TBC1D1: variants seen among roughly 807,000 people sequenced by gnomAD.
TBC1D1 encodes the protein TBC1 domain family member 1.
Under a neutral mutation model 125.6 loss-of-function variants are expected in TBC1D1, and 89 were observed. The ratio of observed to expected loss-of-function variants is 0.71; its 90% confidence interval spans 0.60 to 0.85. The LOEUF (loss-of-function observed/expected upper bound fraction) is 0.85. Ranked by LOEUF, TBC1D1 falls within the 40% of genes least tolerant of loss-of-function variation. The pLI is 0.00. For synonymous variants in TBC1D1, 565 were observed against 564.1 expected (o/e 1.00, Z -0.02); for missense variants, 1,377 against 1,469.2 (o/e 0.94, Z 1.03).
At chr4:38,017,544 C>T (rs545368615) in intron 3 of TBC1D1, among the ~76,000 whole-genome samples, 20 of 152,310 alleles carry the variant, frequency 1.3e-4, no homozygotes, top group African/African-American at 3.4e-4. Flanking sequence ...TATAATTCCC[C>T]TTGACTTACA....
intron 12 of TBC1D1, among the ~76,000 whole-genome samples, chr4:38,058,448 C>T (rs111757377): frequency 2.0e-5 from 3 of 152,360 alleles, no homozygotes; most frequent in African/African-American, 7.2e-5. Flanking sequence ...TCCTGATTTG[C>T]CTGGGCGGCT....
At chr4:38,089,275 A>G (rs1313464007) in intron 12 of TBC1D1, among the ~76,000 whole-genome samples, 1 of 152,208 alleles carries the variant, frequency 6.6e-6, no homozygotes, top group Non-Finnish European at 1.5e-5. Flanking sequence ...GAGTCTACCT[A>G]TATAAAATGC....
intron 2 of TBC1D1, among the ~76,000 whole-genome samples, chr4:37,953,881 T>C (rs13107094): frequency 0.62 from 94,538 of 152,008 alleles, 30,242 homozygotes; most frequent in East Asian, 0.96. Flanking sequence ...ATTTCTCATT[T>C]TGACATCCTT....
chr4:38,006,572 G>A (rs529763004), intron 2 of TBC1D1, among the ~76,000 whole-genome samples: 1 of 144,488 alleles, frequency 6.9e-6, no homozygotes, highest in Non-Finnish European at 1.5e-5. Flanking sequence ...TCTGCCTTCC[G>A]GGTTCAAGCG....
intron 2 of TBC1D1, among the ~76,000 whole-genome samples, chr4:37,973,149 A>C (rs1218591090): frequency 6.6e-6 from 1 of 152,154 alleles, no homozygotes; most frequent in African/African-American, 2.4e-5. Flanking sequence ...CTACTTTCCC[A>C]TGAGATTAGT....
At chr4:38,121,149 A>G (rs1763780706) in intron 17 of TBC1D1, among the ~76,000 whole-genome samples, 1 of 152,206 alleles carries the variant, frequency 6.6e-6, no homozygotes, top group African/African-American at 2.4e-5. Flanking sequence ...TCTGCACAGC[A>G]CTGTCATCAG....
At chr4:38,091,052 C>A (rs970116112) in intron 13 of TBC1D1, among the ~76,000 whole-genome samples, 1 of 152,234 alleles carries the variant, frequency 6.6e-6, no homozygotes, top group South Asian at 2.1e-4. Context: ...AGTGTCATAG[C>A]GAGTGGATAG....
intron 12 of TBC1D1, among the ~76,000 whole-genome samples, chr4:38,077,734 T>TC (rs1182171475): frequency 1.3e-5 from 2 of 152,090 alleles, no homozygotes; most frequent in Non-Finnish European, 2.9e-5. Flanking sequence ...CATCCTTTTT[T>TC]CCCCTCTCCC....
chr4:38,021,502 T>A, intron 5 of TBC1D1, 84 bp from the exon 6 acceptor site: 1 of 1,310,914 alleles, frequency 7.6e-7, no homozygotes, highest in Non-Finnish European at 1.0e-6. Flanking sequence ...TTAAAAAATC[T>A]TTTCCAAAGA....
chr4:37,933,061 A>C (rs1008803209), intron 2 of TBC1D1, among the ~76,000 whole-genome samples: 7 of 151,730 alleles, frequency 4.6e-5, no homozygotes, highest in Non-Finnish European at 7.4e-5. Flanking sequence ...AAAAACAAAA[A>C]AACAAAAAAA....
intron 12 of TBC1D1, among the ~76,000 whole-genome samples, chr4:38,064,505 C>G (rs1753334802): frequency 6.6e-6 from 1 of 152,182 alleles, no homozygotes; most frequent in Non-Finnish European, 1.5e-5. Context: ...TGGCACTGCC[C>G]TCATGAGTGT....
At chr4:37,918,432 G>A (rs2925956) in intron 2 of TBC1D1, among the ~76,000 whole-genome samples, 59,397 of 151,232 alleles carry the variant, frequency 0.39, 12,184 homozygotes, top group African/African-American at 0.48. Flanking sequence ...TGATCACGGT[G>A]TGTTTTGGCA....
intron 11 of TBC1D1, among the ~76,000 whole-genome samples, chr4:38,052,710 A>ACG (rs1364994952): frequency 3.5e-5 from 3 of 86,474 alleles, no homozygotes; most frequent in South Asian, 4.1e-4. Flanking sequence ...ATATACACAC[A>ACG]CACGCGCGCG....
chr4:38,096,213 T>C, intron 14 of TBC1D1, 123 bp downstream of exon 16: 1 of 755,700 alleles, frequency 1.3e-6, no homozygotes, highest in Admixed American at 2.6e-5. Context: ...CATCACATCT[T>C]AATCTATTTC....
chr4:38,112,141 T>C (rs1762295440), intron 15 of TBC1D1: 1 of 910,878 alleles, frequency 1.1e-6, no homozygotes, highest in Middle Eastern at 5.6e-4. Flanking sequence ...TGTACAGGTG[T>C]TTTGCTGAAT....
rs112310049 is a variant in TBC1D1, at chr4:37,931,056, C to T, written c.417+28544C>T. ...TGCATGTCTCCTGTATGCCATTTAC[C>T]ACGATAGATACTTATGTTTTGGGTT... is the stretch of plus-strand genomic sequence containing the variant. On this transcript the variant is annotated intron_variant, in intron 2 of 19. Coordinates refer to ENST00000261439, the MANE Select transcript of TBC1D1 (RefSeq NM_015173.4). 4.4e-3 allele frequency among the ~76,000 whole-genome samples: 665 copies of T among 152,066 alleles called. 10 individuals carry two copies. The highest frequency in any genetic ancestry group is 0.013 in the African/African-American group (544 of 41,512).
At position 37,977,218 on chromosome 4, in the gene TBC1D1, G is replaced by A. The variant is rs952903352; in HGVS notation, c.418-37291G>A. 1 of 151,602 alleles carries A rather than the reference G, an allele frequency of 6.6e-6. No individual in the cohort carries two copies. The highest frequency in any genetic ancestry group is 2.4e-5 in the African/African-American group (1 of 41,324). The allele number at this position is 151,602 out of a possible 1,614,324, so 9.4% of individuals were successfully genotyped here. ...GCAGCGGAGCGCGGGGGTGGGCGGG[G>A]TCGGCTGCGCGCCCTCCCCTCCTCT... On this transcript the variant is annotated intron_variant, in intron 2 of 19. Transcript: ENST00000261439. This position sits in a 1 kb window ranked among gnomAD's most constrained non-coding sequence, Gnocchi z 4.3.
At chr4:38,121,592 G>GCTA (rs2152599421) in intron 17 of TBC1D1, among the ~76,000 whole-genome samples, 1 of 152,340 alleles carries the variant, frequency 6.6e-6, no homozygotes, top group African/African-American at 2.4e-5. Context: ...AGTGAGCTAG[G>GCTA]CTACTGCCTC....
chr4:38,027,903 AG>A, intron 7 of TBC1D1, 24 bp downstream of exon 7: 1 of 1,520,024 alleles, frequency 6.6e-7, no homozygotes, highest in Non-Finnish European at 8.9e-7. Context: ...GCTAATTTCT[AG>A]AAGGAAAGAA....
Sources: allele counts gnomAD v4.1 joint callset (sites outside exome capture counted in the v4.1 genomes callset), GRCh38; gene constraint gnomAD v4.1.1; non-coding constraint Gnocchi (gnomAD v3.1); transcripts MANE v1.5; gene names NCBI Gene and HGNC (gene_info 2026-07-23, HGNC 2026-07-21).